The following LYSMD3 variants were observed in gnomAD, a reference collection of about 807,000 sequenced individuals.
The protein encoded by LYSMD3 is LysM domain containing 3.
LYSMD3 carries 13 observed loss-of-function variants against 26.1 expected under a neutral mutation model. That is an observed-to-expected ratio of 0.50 (90% confidence interval 0.32 to 0.79). The LOEUF (loss-of-function observed/expected upper bound fraction) is 0.79. Among genes scored for constraint, LYSMD3 ranks in the 30% least tolerant of loss-of-function variants. LYSMD3 has a pLI of 0.03. For synonymous variants in LYSMD3, 109 were observed against 119.4 expected (o/e 0.91, Z 0.57); for missense variants, 331 against 362.5 (o/e 0.91, Z 0.71).
At chr5:90,527,148 A>G (rs1399600308) in intron 1 of LYSMD3, 1 of 152,194 alleles carries the variant, frequency 6.6e-6, no homozygotes, top group African/African-American at 2.4e-5. Flanking sequence ...ACAAACAAAC[A>G]AAAAACAGAA....
intron 2 of LYSMD3, among the ~76,000 whole-genome samples, chr5:90,521,198 A>C (rs998787604): frequency 6.6e-6 from 1 of 152,154 alleles, no homozygotes; most frequent in Non-Finnish European, 1.5e-5. Context: ...TTAAGGTTCC[A>C]CACCTGCAAT....
intron 1 of LYSMD3, among the ~76,000 whole-genome samples, chr5:90,525,594 C>T (rs1314633424): frequency 3.9e-5 from 6 of 152,008 alleles, no homozygotes; most frequent in African/African-American, 9.7e-5. Context: ...GGATTACAGG[C>T]GCCCACCACT....
chr5:90,523,836 T>TG (rs1455394897), intron 2 of LYSMD3, among the ~76,000 whole-genome samples: 1 of 152,162 alleles, frequency 6.6e-6, no homozygotes, highest in East Asian at 1.9e-4. Context: ...AAAATTCTAT[T>TG]GGGAGTATGA....
Position 90,518,835 on chromosome 5 carries a change from G to C in LYSMD3, c.905C>G (p.Ala302Gly). The change falls in exon 3 of 3, where the codon GCT (alanine) becomes GGT (glycine). Residue 302 changes from alanine to glycine, a missense_variant. Coordinates refer to ENST00000315948, the MANE Select transcript of LYSMD3 (RefSeq NM_198273.2). ...AGCTAATTGCTATGTTTCCTGTTGA[G>C]CAGCAGGTGACTGAGAATCTTGACT... ...LYSQDSQSPA[A>G]QQET is the part of the protein sequence containing the mutation. The C allele has an allele frequency of 6.2e-7, 1 of 1,612,450 alleles. No homozygotes were observed. The highest frequency in any genetic ancestry group is 1.1e-5 in the South Asian group (1 of 90,862).
chr5:90,525,142 C>A lies in LYSMD3; in HGVS notation c.148G>T (p.Val50Phe). Residue 50 changes from valine (V) to phenylalanine (F), a missense_variant, in exon 2 of 3, where the codon GTC (valine) becomes TTC (phenylalanine). Val to Phe is a conservative substitution (Grantham distance 50). This residue lies in a region of LYSMD3 where 262 missense variants were observed against 267.3 expected (regional missense o/e 0.98). Transcript: ENST00000315948. Reference sequence around the variant, plus strand: ...CTATCTCTTGATGTACTTCTTCGGACTTTCTCTTTTCCTCTGGATCGAAGT... The same window carrying A: ...CTATCTCTTGATGTACTTCTTCGGAATTTCTCTTTTCCTCTGGATCGAAGT... ...YELRSRGKEK[V>F]RRSTSRDRLD... The A allele has an allele frequency of 6.2e-7, 1 of 1,613,964 alleles. No homozygotes were observed. The highest frequency in any genetic ancestry group is 8.5e-7 in the Non-Finnish European group (1 of 1,179,998).
At chr5:90,525,324 A>G (rs1043138435) in intron 1 of LYSMD3, 24 bp from the exon 2 acceptor site, 8 of 1,558,606 alleles carry the variant, frequency 5.1e-6, no homozygotes, top group Admixed American at 2.0e-5. Context: ...AAAGCAGAGA[A>G]AATTTTGGAA....
chr5:90,520,365 T>C (rs1043924707), intron 2 of LYSMD3: 9 of 456,066 alleles, frequency 2.0e-5, no homozygotes, highest in Non-Finnish European at 4.0e-5. Context: ...ATGTATCACC[T>C]GATTCATGTC....
At chr5:90,519,600 T>G (rs1753041156) in intron 2 of LYSMD3, 116 bp from the exon 3 acceptor site, 5 of 996,226 alleles carry the variant, frequency 5.0e-6, no homozygotes, top group African/African-American at 3.3e-5. Flanking sequence ...ATTAGTAGTA[T>G]TAAGTTGCAC....
intron 2 of LYSMD3, among the ~76,000 whole-genome samples, chr5:90,522,182 C>A (rs1231852230): frequency 1.3e-5 from 2 of 152,138 alleles, no homozygotes; most frequent in African/African-American, 4.8e-5. Flanking sequence ...GTGTGTGGAA[C>A]CTCCTCCCTC....
Position 90,516,529 on chromosome 5 carries a change from T to C in LYSMD3, c.*2290A>G, listed in dbSNP as rs991468702. On this transcript the variant is annotated 3_prime_UTR_variant, in exon 3 of 3. Coordinates refer to ENST00000315948, the MANE Select transcript of LYSMD3 (RefSeq NM_198273.2). Reference sequence around the variant, plus strand: ...GTGCTTGTTAGTTATACAAGGTAATTTGCATTTGATATAAACTTAACTTAC... The same window carrying C: ...GTGCTTGTTAGTTATACAAGGTAATCTGCATTTGATATAAACTTAACTTAC... 1.3e-5 allele frequency: 2 copies of C among 152,094 alleles called. No individual in the cohort carries two copies. Among genetic ancestry groups the C allele is most frequent in the Non-Finnish European group, 2.9e-5 (2 of 67,936 alleles). 9.4% of individuals were successfully genotyped at this position (152,094 alleles called of 1,614,324 possible).
rs1349955634 is a variant in LYSMD3, at chr5:90,518,990, A to G, written c.750T>C (p.His250=). The change falls in exon 3 of 3, where the codon CAT becomes CAC. Residue 250 remains histidine, a synonymous_variant. Transcript: ENST00000315948. ...AATGTGAAGAGTCCACTGTTGAATG[A>G]TGACTAACATCCACCTTAGCTAAAA... ...YEILAKVDVS[H]HSTVDSSHLH... is the part of the protein sequence containing the mutation. 2.5e-6 allele frequency: 4 copies of G among 1,613,958 alleles called. No homozygotes were observed. In the East Asian group the frequency reaches 8.9e-5, roughly 36 times the overall value.
intron 2 of LYSMD3, 56 bp downstream of exon 2, chr5:90,524,979 A>C: frequency 7.6e-7 from 1 of 1,321,470 alleles, no homozygotes; most frequent in Non-Finnish European, 1.0e-6. Context: ...AATTTATTTC[A>C]GTGTGCGTAA....
intron 2 of LYSMD3, among the ~76,000 whole-genome samples, chr5:90,522,913 AATT>A (rs1324488300): frequency 3.9e-5 from 6 of 152,184 alleles, no homozygotes; most frequent in Admixed American, 2.6e-4. Context: ...ACCTATTTTT[AATT>A]ATTCAGATGG....
At position 90,516,549 on chromosome 5, in the gene LYSMD3, A is replaced by G. The variant is rs1035370547; in HGVS notation, c.*2270T>C. On this transcript the variant is annotated 3_prime_UTR_variant, in exon 3 of 3. Coordinates refer to ENST00000315948, the MANE Select transcript of LYSMD3 (RefSeq NM_198273.2). ...GTAATTTGCATTTGATATAAACTTA[A>G]CTTACATTAGTACTTTTTAGAAACT... 2 of 152,126 alleles carry G rather than the reference A, an allele frequency of 1.3e-5. No individual in the cohort carries two copies. The highest frequency in any genetic ancestry group is 4.8e-5 in the African/African-American group (2 of 41,466). The allele number at this position is 152,126 out of a possible 1,614,324, so 9.4% of individuals were successfully genotyped here.
chr5:90,522,943 A>C (rs1753128588), intron 2 of LYSMD3, among the ~76,000 whole-genome samples: 1 of 152,178 alleles, frequency 6.6e-6, no homozygotes, highest in African/African-American at 2.4e-5. Flanking sequence ...AAATTTCCCT[A>C]AGAAAATTTT....
Position 90,519,494 on chromosome 5 carries a change from G to A in LYSMD3, c.256-10C>T. The A allele has an allele frequency of 2.0e-6, 3 of 1,533,900 alleles. No homozygotes were observed. Among genetic ancestry groups the A allele is most frequent in the Admixed American group, 2.0e-5 (1 of 50,648 alleles). On this transcript the variant is annotated splice_polypyrimidine_tract_variant and intron_variant, in intron 2 of 2. Coordinates refer to ENST00000315948, the MANE Select transcript of LYSMD3 (RefSeq NM_198273.2). ...TCTTGATATCTGCTACCTGTGGGGG[G>A]GAAAAAAAAGCAACATACAACTGAA...
At chr5:90,529,053 C>G (rs1753293971) in intron 1 of LYSMD3, among the ~76,000 whole-genome samples, 1 of 152,200 alleles carries the variant, frequency 6.6e-6, no homozygotes, top group South Asian at 2.1e-4. Context: ...TTTTTCTTTC[C>G]CTGCTATCGT....
chr5:90,521,950 T>G (rs889854614), intron 2 of LYSMD3, among the ~76,000 whole-genome samples: 3 of 152,192 alleles, frequency 2.0e-5, no homozygotes, highest in African/African-American at 7.2e-5. Context: ...TTTTATAATT[T>G]TTTTTGTTGC....
In LYSMD3 at chr5:90,529,548, G is replaced by C. The variant is rs1184994083; in HGVS notation, c.-112C>G. The C allele has an allele frequency of 2.2e-6, 1 of 456,420 alleles. No homozygotes were observed. The highest frequency in any genetic ancestry group is 1.5e-5 in the South Asian group (1 of 64,570). The allele number at this position is 456,420 out of a possible 1,614,324, so 28.3% of individuals were successfully genotyped here. On this transcript the variant is annotated 5_prime_UTR_variant, in exon 1 of 3. Transcript: ENST00000315948. ...CATGGCCGAGCCTCTGCTTTGGGCT[G>C]ACCCCGTCCGCCTCCGCCTCTGCCG...
Sources: gnomAD v4.1 joint callset for allele counts (sites outside exome capture counted in the v4.1 genomes callset) on GRCh38, gnomAD v4.1.1 for gene constraint, gnomAD v4.1.1 regional missense constraint, MANE v1.5 for transcripts, NCBI Gene and HGNC (gene_info 2026-07-23, HGNC 2026-07-21) for gene names.